The following BCAS3 variants were observed in gnomAD, a reference collection of about 807,000 sequenced individuals.
The protein encoded by BCAS3 is BCAS4/BCAS3 fusion.
BCAS3 carries 53 observed loss-of-function variants against 116.1 expected under a neutral mutation model. The observed-to-expected ratio is 0.46, with a 90% confidence interval of 0.37 to 0.57. The LOEUF is 0.57. Among genes scored for constraint, BCAS3 ranks in the 20% least tolerant of loss-of-function variants. BCAS3 has a pLI of 0.00. For synonymous variants in BCAS3, 391 were observed against 408.2 expected, an observed-to-expected ratio of 0.96 and a Z score of 0.51; for missense variants, 917 against 1,165.4, an observed-to-expected ratio of 0.79 and a Z score of 3.10.
At chr17:60,817,422 A>G (rs1260409290) in intron 7 of BCAS3, among the ~76,000 whole-genome samples, 2 of 152,228 alleles carry the variant, frequency 1.3e-5, no homozygotes, top group Non-Finnish European at 2.9e-5. Context: ...GAGTAACATT[A>G]TTCAAGAGCT....
chr17:60,700,124 T>A (rs1372097397), intron 4 of BCAS3, among the ~76,000 whole-genome samples: 1 of 151,114 alleles, frequency 6.6e-6, no homozygotes, highest in East Asian at 1.9e-4. Flanking sequence ...TAGTGAGTCA[T>A]GTTTGTGTCA....
At chr17:60,983,715 T>C (rs538964735) in intron 14 of BCAS3, among the ~76,000 whole-genome samples, 40 of 152,276 alleles carry the variant, frequency 2.6e-4, no homozygotes, top group Admixed American at 8.5e-4. Context: ...ATTATAAGTG[T>C]TTTGGAAAAA....
chr17:61,191,190 C>T (rs1448423666), intron 22 of BCAS3, among the ~76,000 whole-genome samples: 5 of 152,060 alleles, frequency 3.3e-5, no homozygotes, highest in Non-Finnish European at 5.9e-5. Context: ...TGCTTGAGCC[C>T]GGGAGGTTGA....
chr17:61,250,591 T>A (rs760194313), intron 22 of BCAS3, among the ~76,000 whole-genome samples: 1 of 152,224 alleles, frequency 6.6e-6, no homozygotes. Flanking sequence ...ATAAGGAAGA[T>A]GATTATCTCT....
At chr17:61,264,554 T>G (rs926433199) in intron 22 of BCAS3, among the ~76,000 whole-genome samples, 1 of 152,060 alleles carries the variant, frequency 6.6e-6, no homozygotes, top group African/African-American at 2.4e-5. Flanking sequence ...ATTACAGGGA[T>G]GTGCCACCGC....
intron 1 of BCAS3, among the ~76,000 whole-genome samples, chr17:60,679,099 C>T (rs1226990714): frequency 2.0e-5 from 3 of 152,188 alleles, no homozygotes; most frequent in Non-Finnish European, 4.4e-5. Flanking sequence ...GTGGCGCTCG[C>T]CTGTAATCCC....
intron 6 of BCAS3, among the ~76,000 whole-genome samples, chr17:60,765,101 G>C (rs1272502806): frequency 6.6e-6 from 1 of 152,020 alleles, no homozygotes; most frequent in East Asian, 1.9e-4. Context: ...TGTGAGCTGG[G>C]TCTCCTGAAT....
chr17:61,066,127 G>A (rs2070587020), intron 19 of BCAS3, among the ~76,000 whole-genome samples: 1 of 152,182 alleles, frequency 6.6e-6, no homozygotes, highest in Admixed American at 6.5e-5. Flanking sequence ...ATTTCAAGGA[G>A]TAGAACAGCT....
chr17:61,016,387 T>G (rs1027139148), intron 16 of BCAS3, among the ~76,000 whole-genome samples: 1 of 152,196 alleles, frequency 6.6e-6, no homozygotes, highest in Non-Finnish European at 1.5e-5. Flanking sequence ...TGTGATGTCA[T>G]TGGTAGTTTT....
In BCAS3 at chr17:60,964,176, A is replaced by T. The variant is rs74257537; in HGVS notation, c.1221+16824A>T. On this transcript the variant is annotated intron_variant, in intron 14 of 23. Transcript: ENST00000407086. This position sits in a 1 kb window ranked among gnomAD's most constrained non-coding sequence, Gnocchi z 4.6. The stretch of plus-strand genomic sequence containing the variant: ...GTATGATGGTAGCTGTGGATTTGTC[A>T]TATATGGTCTTTATTATTTTGAAGT... Among the ~76,000 whole-genome samples the T allele has an allele frequency of 3.5e-3, 538 of 152,224 alleles. 10 individuals are homozygous for T. The East Asian group carries it at 0.074, about 21-fold the overall frequency.
rs974066459 is a variant in BCAS3 at position 61,122,717 on chromosome 17, A to AAAAACAAAAC, written c.2425+38163_2425+38172dup. On this transcript the variant is annotated intron_variant, in intron 22 of 23. Coordinates refer to ENST00000407086, the MANE Select transcript of BCAS3 (RefSeq NM_017679.5). This position sits in a 1 kb window ranked among gnomAD's most constrained non-coding sequence, Gnocchi z 4.6. ...CATGCTGAATTTTCCCACATAGACA[A>AAAAACAAAAC]AAAACAAAACAAAACAAAAAACCAT... Among the ~76,000 whole-genome samples the AAAAACAAAAC allele has an allele frequency of 1.3e-4, 20 of 152,306 alleles. No homozygotes were observed. Among genetic ancestry groups the AAAAACAAAAC allele is most frequent in the African/African-American group, 4.3e-4 (18 of 41,560 alleles).
intron 14 of BCAS3, among the ~76,000 whole-genome samples, chr17:60,972,473 G>T (rs1159792528): frequency 1.4e-5 from 2 of 138,736 alleles, no homozygotes; most frequent in African/African-American, 5.7e-5. Flanking sequence ...TTTTGAGACA[G>T]GGTCTTGCTC....
intron 15 of BCAS3, among the ~76,000 whole-genome samples, chr17:60,996,167 G>C (rs1481481616): frequency 6.6e-6 from 1 of 152,106 alleles, no homozygotes; most frequent in African/African-American, 2.4e-5. Context: ...GGGCTCTGGA[G>C]GGCATTGAGA....
chr17:60,978,560 G>A (rs1475139109), intron 14 of BCAS3, among the ~76,000 whole-genome samples: 3 of 150,894 alleles, frequency 2.0e-5, no homozygotes, highest in Non-Finnish European at 3.0e-5. Context: ...TGGTGTTTTA[G>A]ACATGAAGTC....
intron 22 of BCAS3, among the ~76,000 whole-genome samples, chr17:61,252,299 G>C (rs1042884312): frequency 6.6e-6 from 1 of 152,218 alleles, no homozygotes; most frequent in Non-Finnish European, 1.5e-5. Flanking sequence ...TATGAAAAGA[G>C]AGTGTATTTA....
chr17:61,319,561 G>A (rs1227996399), intron 22 of BCAS3, among the ~76,000 whole-genome samples: 2 of 149,102 alleles, frequency 1.3e-5, no homozygotes, highest in African/African-American at 4.9e-5. Context: ...ATGCTATAGA[G>A]GCTTTTTTTT....
chr17:60,990,315 A>C lies in BCAS3; in HGVS notation c.1486+80A>C. 2.1e-6 allele frequency: 3 copies of C among 1,448,124 alleles called. No individual in the cohort carries two copies. Among genetic ancestry groups the C allele is most frequent in the Non-Finnish European group, 2.8e-6 (3 of 1,056,794 alleles). The allele number at this position is 1,448,124 out of a possible 1,614,324, so 89.7% of individuals were successfully genotyped here. ...TTTTACAGATCTGGGATAAAACTAA[A>C]CTTGTTATAGTCTGTTCATGTAAAA... On this transcript the variant is annotated intron_variant, in intron 15 of 23. Coordinates refer to ENST00000407086, the MANE Select transcript of BCAS3 (RefSeq NM_017679.5). The surrounding 1 kb of genome is among the most constrained non-coding windows in gnomAD (Gnocchi z 5.1).
At chr17:60,739,868 G>GTTTTTT (rs1203592870) in intron 5 of BCAS3, among the ~76,000 whole-genome samples, 1 of 146,890 alleles carries the variant, frequency 6.8e-6, no homozygotes, top group Admixed American at 6.7e-5. Flanking sequence ...AGAGGTTGCT[G>GTTTTTT]TTTTTTTTGT....
At position 61,078,357 on chromosome 17, in the gene BCAS3, C is replaced by T; in HGVS notation, c.2155C>T (p.Pro719Ser). 6.2e-7 allele frequency: 1 copy of T among 1,613,532 alleles called. No individual in the cohort carries two copies. The highest frequency in any genetic ancestry group is 8.5e-7 in the Non-Finnish European group (1 of 1,179,764). The change falls in exon 21 of 24, where the codon CCC becomes TCC. Residue 719 changes from proline to serine, a missense_variant. Transcript: ENST00000407086. ...SQVEIVTHTG[P>S]HRRLWMGPQF... is the part of the protein sequence containing the mutation. ...GGTTGAAATTGTAACACACACTGGACCCCATAGACGTCTGTGGATGGGTCC... is the reference window on the plus strand; with the variant it reads ...GGTTGAAATTGTAACACACACTGGATCCCATAGACGTCTGTGGATGGGTCC...
Sources: allele counts gnomAD v4.1 joint callset (sites outside exome capture counted in the v4.1 genomes callset), GRCh38; gene constraint gnomAD v4.1.1; non-coding constraint Gnocchi (gnomAD v3.1); transcripts MANE v1.5; gene names NCBI Gene and HGNC (gene_info 2026-07-23, HGNC 2026-07-21).